The following SHISA9 variants were observed in gnomAD, a reference collection of about 807,000 sequenced individuals.
The protein encoded by SHISA9 is shisa family member 9.
SHISA9 carries 13 observed loss-of-function variants against 38.0 expected under a neutral mutation model. The observed-to-expected ratio is 0.34, with a 90% CI of 0.22 to 0.54. SHISA9 has a LOEUF of 0.54. Among genes scored for constraint, SHISA9 ranks in the 20% least tolerant of loss-of-function variants. SHISA9 has a pLI of 0.91. For synonymous variants in SHISA9, 275 were observed against 242.0 expected (o/e 1.14, Z -1.27); for missense variants, 538 against 575.8 (o/e 0.93, Z 0.67).
the SHISA9 span, among the ~76,000 whole-genome samples, chr16:13,379,608 T>C: frequency 1.3e-5 from 2 of 152,362 alleles, no homozygotes; most frequent in African/African-American, 4.8e-5. Flanking sequence ...GGTAATGTCT[T>C]ATTCCCTTCT....
the SHISA9 span, among the ~76,000 whole-genome samples, chr16:13,340,821 G>A: frequency 3.9e-5 from 6 of 151,992 alleles, 1 homozygote; most frequent in Non-Finnish European, 5.9e-5. Context: ...TCTTGCTACC[G>A]GGCCTTTGCA....
chr16:12,952,557 A>C (rs1258410601), intron 2 of SHISA9, among the ~76,000 whole-genome samples: 2 of 152,158 alleles, frequency 1.3e-5, no homozygotes, highest in Admixed American at 1.3e-4. Context: ...TCCGAACTGT[A>C]ATCCCCATGT....
At chr16:13,330,798 G>A in the SHISA9 span, among the ~76,000 whole-genome samples, 1 of 152,150 alleles carries the variant, frequency 6.6e-6, no homozygotes, top group Non-Finnish European at 1.5e-5. Flanking sequence ...TGGCCTCATT[G>A]GGAGCCAGCA....
intron 2 of SHISA9, among the ~76,000 whole-genome samples, chr16:13,190,949 C>T (rs757773701): frequency 6.6e-6 from 1 of 151,768 alleles, no homozygotes; most frequent in Admixed American, 6.6e-5. Flanking sequence ...GGTCTCTCTG[C>T]CACCAAGATT....
At chr16:13,411,941 A>G in the SHISA9 span, among the ~76,000 whole-genome samples, 1 of 151,720 alleles carries the variant, frequency 6.6e-6, no homozygotes, top group African/African-American at 2.4e-5. Flanking sequence ...ATGAGGGTCA[A>G]TAAATTTTAG....
intron 2 of SHISA9, among the ~76,000 whole-genome samples, chr16:13,053,779 C>G (rs138553910): frequency 1.3e-5 from 2 of 152,302 alleles, no homozygotes; most frequent in African/African-American, 4.8e-5. Flanking sequence ...TGGTCCAGGT[C>G]TCAGGTCCAG....
the SHISA9 span, among the ~76,000 whole-genome samples, chr16:13,477,807 A>C: frequency 6.6e-6 from 1 of 152,306 alleles, no homozygotes; most frequent in Admixed American, 6.5e-5. Flanking sequence ...TCTATTAAAA[A>C]TACAAAACTT....
At chr16:13,317,352 T>A in the SHISA9 span, among the ~76,000 whole-genome samples, 2 of 152,230 alleles carry the variant, frequency 1.3e-5, no homozygotes, top group African/African-American at 4.8e-5. Context: ...GACAACCCCG[T>A]TGAGGATTCT....
At chr16:13,099,472 G>A (rs2073857883) in intron 2 of SHISA9, among the ~76,000 whole-genome samples, 1 of 152,168 alleles carries the variant, frequency 6.6e-6, no homozygotes, top group African/African-American at 2.4e-5. Flanking sequence ...AGCAGGCTGA[G>A]AGTAGAATTG....
chr16:13,272,636 A>G, the SHISA9 span, among the ~76,000 whole-genome samples: 1 of 152,216 alleles, frequency 6.6e-6, no homozygotes, highest in Non-Finnish European at 1.5e-5. Context: ...TTGGAAAAAT[A>G]AAATAAATAT....
the SHISA9 span, among the ~76,000 whole-genome samples, chr16:13,535,682 T>G: frequency 6.6e-6 from 1 of 152,060 alleles, no homozygotes; most frequent in African/African-American, 2.4e-5. Flanking sequence ...TGTTGTTTCA[T>G]GCCCATGAGG....
chr16:13,445,056 C>G, the SHISA9 span, among the ~76,000 whole-genome samples: 2 of 141,704 alleles, frequency 1.4e-5, no homozygotes, highest in African/African-American at 2.6e-5. Context: ...AGACAGGGGT[C>G]TTGTCTTGTT....
chr16:13,049,890 C>G (rs1349914910), intron 2 of SHISA9, among the ~76,000 whole-genome samples: 1 of 152,018 alleles, frequency 6.6e-6, no homozygotes, highest in Admixed American at 6.6e-5. Context: ...ATCCGGAACC[C>G]CACTCCTGGT....
chr16:13,516,692 C>T, the SHISA9 span, among the ~76,000 whole-genome samples: 4 of 151,546 alleles, frequency 2.6e-5, no homozygotes, highest in Admixed American at 1.3e-4. Flanking sequence ...CCCAGCTACT[C>T]GGGAGGCTGA....
intron 1 of SHISA9, among the ~76,000 whole-genome samples, chr16:12,903,358 C>T (rs989287997): frequency 6.6e-6 from 1 of 152,140 alleles, no homozygotes; most frequent in Non-Finnish European, 1.5e-5. Flanking sequence ...ACTCCGGGGG[C>T]CCGAGCCCCC....
chr16:13,354,949 C>G, the SHISA9 span, among the ~76,000 whole-genome samples: 1 of 148,024 alleles, frequency 6.8e-6, no homozygotes, highest in African/African-American at 2.5e-5. Flanking sequence ...CAGTACAGCC[C>G]AGGTAATTTG....
chr16:13,302,410 C>G, the SHISA9 span, among the ~76,000 whole-genome samples: 2 of 152,176 alleles, frequency 1.3e-5, no homozygotes, highest in African/African-American at 4.8e-5. Context: ...GAAAGGCAAA[C>G]GATGCCACCA....
At position 13,231,374 on chromosome 16, in the gene SHISA9, ATTC is replaced by A. The variant is rs765490465; in HGVS notation, c.896-3651_896-3649del. 2.6e-5 allele frequency among the ~76,000 whole-genome samples: 4 copies of A among 152,346 alleles called. No individual in the cohort carries two copies. In the South Asian group the frequency reaches 8.3e-4, roughly 32 times the overall value. On this transcript the variant is annotated intron_variant, in intron 4 of 4. Coordinates refer to ENST00000558583, the MANE Select transcript of SHISA9 (RefSeq NM_001145204.3). Reference sequence around the variant, plus strand: ...GATGTCGAAGGGGGAAACTTTGAGTATTCTTCTATTGAAGTTTCATGGCACTGG... The same window carrying A: ...GATGTCGAAGGGGGAAACTTTGAGTATTCTATTGAAGTTTCATGGCACTGG...
chr16:13,467,442 A>C, the SHISA9 span, among the ~76,000 whole-genome samples: 1 of 152,182 alleles, frequency 6.6e-6, no homozygotes, highest in Non-Finnish European at 1.5e-5. Flanking sequence ...ATTTAGACTC[A>C]GACTGGGGAC....
Sources: allele counts gnomAD v4.1 joint callset (sites outside exome capture counted in the v4.1 genomes callset), GRCh38; gene constraint gnomAD v4.1.1; transcripts MANE v1.5; gene names NCBI Gene and HGNC (gene_info 2026-07-23, HGNC 2026-07-21).